The following BRI3 variants were observed in gnomAD, a reference collection of about 807,000 sequenced individuals.
The protein encoded by BRI3 is membrane protein BRI3.
In BRI3, 6 loss-of-function variants were observed where a neutral mutation model predicts 12.8. The observed-to-expected ratio is 0.47, with a 90% confidence interval of 0.26 to 0.93. BRI3 has a LOEUF of 0.93. BRI3 is among the 40% of genes least tolerant of loss of function. The pLI, the probability that BRI3 is intolerant of heterozygous loss-of-function variation, is 0.15. For synonymous variants in BRI3, 91 were observed against 76.1 expected (o/e 1.20, Z -1.02); for missense variants, 134 against 171.1 (o/e 0.78, Z 1.21).
At chr7:98,297,273 C>T (rs1057356452), downstream of BRI3, among the ~76,000 whole-genome samples, 2 of 152,190 alleles carry the variant, frequency 1.3e-5, no homozygotes, top group Non-Finnish European at 2.9e-5. Flanking sequence ...TGGTCCACAC[C>T]CCCTTCCCGA....
intron 2 of BRI3, among the ~76,000 whole-genome samples, chr7:98,285,863 C>T (rs1421481212): frequency 6.6e-6 from 1 of 152,170 alleles, no homozygotes; most frequent in African/African-American, 2.4e-5. Flanking sequence ...GGCCACCTCG[C>T]CCTGCGCTGA....
exon 1 of BRI3, chr7:98,306,589 T>C: frequency 3.1e-6 from 5 of 1,609,674 alleles, no homozygotes; most frequent in Non-Finnish European, 4.2e-6. Flanking sequence ...AACAACCTGG[T>C]GAGAGCTCAG....
At chr7:98,293,984 C>T (rs1167646423), downstream of BRI3, 5 of 1,437,534 alleles carry the variant, frequency 3.5e-6, no homozygotes, top group Non-Finnish European at 4.9e-6. Context: ...AGGCTGGACC[C>T]CCTGGGCTGG....
chr7:98,310,741 C>G (rs1800840088), downstream of BRI3: 4 of 609,894 alleles, frequency 6.6e-6, no homozygotes, highest in South Asian at 1.2e-4. Flanking sequence ...GGCTGGAGTA[C>G]AGTGGCACGA....
upstream of BRI3, among the ~76,000 whole-genome samples, chr7:98,303,619 C>T (rs967048372): frequency 6.6e-6 from 1 of 152,222 alleles, no homozygotes; most frequent in African/African-American, 2.4e-5. Flanking sequence ...AGAGCCCACA[C>T]CAGGGCCTCT....
At chr7:98,289,149 G>A (rs1221280235) in intron 2 of BRI3, among the ~76,000 whole-genome samples, 3 of 152,058 alleles carry the variant, frequency 2.0e-5, no homozygotes, top group African/African-American at 7.2e-5. Context: ...GTAGAAACGC[G>A]GTTTCACCAT....
At chr7:98,297,509 G>A (rs993102322), downstream of BRI3, among the ~76,000 whole-genome samples, 1 of 152,174 alleles carries the variant, frequency 6.6e-6, no homozygotes, top group African/African-American at 2.4e-5. Flanking sequence ...CAGCCCTAAG[G>A]AACATTTCCA....
At chr7:98,304,483 T>C (rs887410634), upstream of BRI3, 3 of 1,071,612 alleles carry the variant, frequency 2.8e-6, no homozygotes, top group African/African-American at 4.8e-5. Context: ...ACATCACCAA[T>C]CAAAACCTGA....
chr7:98,295,742 C>T (rs1408866229), downstream of BRI3, among the ~76,000 whole-genome samples: 2 of 152,114 alleles, frequency 1.3e-5, no homozygotes, highest in Non-Finnish European at 2.9e-5. Context: ...AACTAGAAAC[C>T]AGAAACACCC....
At chr7:98,287,741 G>C (rs544213150) in intron 2 of BRI3, among the ~76,000 whole-genome samples, 1 of 152,338 alleles carries the variant, frequency 6.6e-6, no homozygotes, top group South Asian at 2.1e-4. Flanking sequence ...TCCCAGGCGC[G>C]AGCAGCAGCT....
intron 2 of BRI3, among the ~76,000 whole-genome samples, chr7:98,285,519 G>C (rs755187623): frequency 6.6e-6 from 1 of 152,202 alleles, no homozygotes; most frequent in African/African-American, 2.4e-5. Flanking sequence ...TGGGGGCAGC[G>C]GATGGGCCGG....
chr7:98,303,409 C>T (rs147246805), upstream of BRI3, among the ~76,000 whole-genome samples: 38 of 152,348 alleles, frequency 2.5e-4, no homozygotes, highest in Admixed American at 7.8e-4. Context: ...CACACCAGGG[C>T]GCACTAACCT....
At chr7:98,306,989 T>C (rs2116855876) in intron 1 of BRI3, 1 of 160,868 alleles carries the variant, frequency 6.2e-6, no homozygotes, top group East Asian at 1.8e-4. Flanking sequence ...GACAAGCTAG[T>C]TACAGGAAGG....
intron 2 of BRI3, among the ~76,000 whole-genome samples, chr7:98,290,438 A>G (rs985416134): frequency 6.8e-4 from 99 of 145,256 alleles, no homozygotes; most frequent in Admixed American, 4.9e-3. Flanking sequence ...CTCATGATCC[A>G]CCCGCCTCGG....
intron 1 of BRI3, among the ~76,000 whole-genome samples, 167 bp downstream of exon 1, chr7:98,282,104 G>A (rs1426313519): frequency 6.6e-6 from 1 of 152,144 alleles, no homozygotes; most frequent in Non-Finnish European, 1.5e-5. Flanking sequence ...CCTCCCCCCC[G>A]GGGCTCTAGT....
intron 2 of BRI3, among the ~76,000 whole-genome samples, chr7:98,287,150 A>T (rs10237583): frequency 1.3e-5 from 2 of 152,248 alleles, no homozygotes; most frequent in Non-Finnish European, 2.9e-5. Flanking sequence ...CTCCTGGGAC[A>T]GCTGGATCTG....
Position 98,281,761 on chromosome 7 carries a change from A to C in BRI3, c.-35A>C. The stretch of plus-strand genomic sequence containing the variant: ...TCCCCCGCCGGGGCCGACCGAGCCG[A>C]GCCGGGCCGGAGCGGCGGGCGCGGC... On this transcript the variant is annotated 5_prime_UTR_variant, in exon 1 of 3. Transcript: ENST00000297290. The C allele has an allele frequency of 9.8e-7, 1 of 1,024,374 alleles. No individual in the cohort carries two copies. Among genetic ancestry groups the C allele is most frequent in the Non-Finnish European group, 1.2e-6 (1 of 853,764 alleles). 63.5% of individuals were successfully genotyped at this position (1,024,374 alleles called of 1,614,324 possible).
intron 1 of BRI3, 35 bp from the exon 2 acceptor site, chr7:98,282,316 C>G (rs1429370480): frequency 1.3e-6 from 2 of 1,551,162 alleles, no homozygotes; most frequent in East Asian, 2.2e-5. Flanking sequence ...GATTTCTCCT[C>G]CCTGCACCCT....
upstream of BRI3, among the ~76,000 whole-genome samples, chr7:98,304,829 T>C (rs936647088): frequency 3.3e-5 from 5 of 151,826 alleles, no homozygotes; most frequent in African/African-American, 4.8e-5. Flanking sequence ...AAAACACTAA[T>C]GTTTTTAGTG....
Sources: allele counts gnomAD v4.1 joint callset (sites outside exome capture counted in the v4.1 genomes callset), GRCh38; gene constraint gnomAD v4.1.1; transcripts MANE v1.5; gene names NCBI Gene and HGNC (gene_info 2026-07-23, HGNC 2026-07-21).